Variants in CGAS observed in about 807,000 individuals in gnomAD.
The protein encoded by CGAS is 2'3'-cGAMP synthase.
In CGAS, 31 loss-of-function variants were observed where a neutral mutation model predicts 34.0. The ratio of observed to expected loss-of-function variants is 0.91; its 90% confidence interval spans 0.69 to 1.23. CGAS has a LOEUF of 1.23. CGAS is among the 50% of genes most tolerant of loss of function. CGAS has a pLI of 0.00. For synonymous variants in CGAS, 266 were observed against 260.0 expected (o/e 1.02, Z -0.22); for missense variants, 597 against 657.6 (o/e 0.91, Z 1.01).
In CGAS at chr6:73,451,699, C is replaced by T; in HGVS notation, c.483G>A (p.Gly161=). ...PILVRRDAAP[G]ASKLRAVLEK... ...CCAAAACCGCCCGGAGCTTCGAGGCCCCAGGCGCCGCATCCCTCCGTACGA... is the reference window on the plus strand; with the variant it reads ...CCAAAACCGCCCGGAGCTTCGAGGCTCCAGGCGCCGCATCCCTCCGTACGA... The change falls in exon 1 of 5, where the codon GGG becomes GGA. Residue 161 remains glycine, a synonymous_variant. Transcript: ENST00000370315. The T allele has an allele frequency of 6.2e-7, 1 of 1,613,792 alleles. No homozygotes were observed. Among genetic ancestry groups the T allele is most frequent in the Non-Finnish European group, 8.5e-7 (1 of 1,180,002 alleles).
At chr6:73,440,160 C>T (rs1359530532) in intron 3 of CGAS, 49 bp downstream of exon 3, 2 of 1,515,348 alleles carry the variant, frequency 1.3e-6, no homozygotes, top group Non-Finnish European at 1.8e-6. Context: ...GAACATATAA[C>T]ATTAACAACT....
chr6:73,438,281 A>G (rs1184595828), intron 3 of CGAS, among the ~76,000 whole-genome samples: 1 of 152,148 alleles, frequency 6.6e-6, no homozygotes, highest in African/African-American at 2.4e-5. Flanking sequence ...GTTTTGTCTA[A>G]TTATACATAA....
rs1194877459 is a variant in CGAS at position 73,452,035 on chromosome 6, T to C, written c.147A>G (p.Gly49=). 20 of 1,496,698 alleles carry C rather than the reference T, an allele frequency of 1.3e-5. No homozygotes were observed. The highest frequency in any genetic ancestry group is 1.4e-5 in the Non-Finnish European group (16 of 1,121,434). 92.7% of individuals were successfully genotyped at this position (1,496,698 alleles called of 1,614,324 possible). Residue 49 remains glycine (G), a synonymous_variant, in exon 1 of 5, where the codon GGA becomes GGG. Coordinates refer to ENST00000370315, the MANE Select transcript of CGAS (RefSeq NM_138441.3). ...CCGACTTCCTGGCGGGGCCGAACTT[T>C]CCCGCCTTAGGCAGGGCGGCCTCGG... The part of the protein sequence containing the change: ...AAPEAALPKA[G]KFGPARKSGS...
chr6:73,441,862 G>C (rs1770386812), intron 2 of CGAS, among the ~76,000 whole-genome samples: 1 of 152,050 alleles, frequency 6.6e-6, no homozygotes, highest in Non-Finnish European at 1.5e-5. Context: ...GAGGAAGTAA[G>C]TGTCCATCTA....
Position 73,451,886 on chromosome 6 carries a change from G to GC in CGAS, c.295dup (p.Ala99GlyfsTer80), listed in dbSNP as rs1480601783. 12 of 1,538,016 alleles carry GC rather than the reference G, an allele frequency of 7.8e-6. No individual in the cohort carries two copies. Among genetic ancestry groups the GC allele is most frequent in the Non-Finnish European group, 1.1e-5 (12 of 1,139,266 alleles). On this transcript the variant is annotated frameshift_variant, in exon 1 of 5. Transcript: ENST00000370315. LOFTEE classifies it high-confidence loss of function. ...AGGCTCCAGCCCCTCTGCCCCAGGG[G>GC]CGCTGGTGGCGTCAGACGGCTGCGT...
intron 2 of CGAS, among the ~76,000 whole-genome samples, chr6:73,441,771 A>G (rs1770384753): frequency 6.6e-6 from 1 of 152,196 alleles, no homozygotes; most frequent in South Asian, 2.1e-4. Flanking sequence ...GACGAAGTAG[A>G]GCACAAAGGA....
chr6:73,428,600 C>A, intron 4 of CGAS, 109 bp downstream of exon 4: 1 of 941,228 alleles, frequency 1.1e-6, no homozygotes, highest in South Asian at 1.7e-5. Flanking sequence ...CAATCCTGCC[C>A]TGCCCCCCAG....
intron 3 of CGAS, among the ~76,000 whole-genome samples, chr6:73,433,943 CA>C (rs1481490211): frequency 6.6e-6 from 1 of 152,128 alleles, no homozygotes; most frequent in African/African-American, 2.4e-5. Context: ...ATCAAAATTC[CA>C]AAAAGTATTT....
intron 2 of CGAS, among the ~76,000 whole-genome samples, chr6:73,444,849 T>A (rs980638365): frequency 1.3e-5 from 2 of 152,102 alleles, no homozygotes; most frequent in Non-Finnish European, 2.9e-5. Context: ...AGCACTTGCA[T>A]CTGGATTAAG....
At chr6:73,431,295 C>A (rs1770192790) in intron 3 of CGAS, among the ~76,000 whole-genome samples, 1 of 151,920 alleles carries the variant, frequency 6.6e-6, no homozygotes, top group South Asian at 2.1e-4. Flanking sequence ...CATGGTGAAA[C>A]CCCATTTCTA....
chr6:73,451,454 G>C, intron 1 of CGAS, 71 bp downstream of exon 1: 1 of 1,452,214 alleles, frequency 6.9e-7, no homozygotes, highest in Non-Finnish European at 9.2e-7. Context: ...GCGCGACCCG[G>C]GGAAGGTAGG....
chr6:73,445,037 G>T (rs1302792243), intron 2 of CGAS, among the ~76,000 whole-genome samples: 1 of 152,032 alleles, frequency 6.6e-6, no homozygotes, highest in Admixed American at 6.6e-5. Flanking sequence ...GATTCCTGTG[G>T]TACATCAACA....
intron 2 of CGAS, 63 bp from the exon 3 acceptor site, chr6:73,440,508 G>A (rs1770359684): frequency 7.6e-7 from 1 of 1,308,274 alleles, no homozygotes; most frequent in South Asian, 1.3e-5. Context: ...GAAATACAGG[G>A]GAAATAATGT....
chr6:73,451,807 G>T lies in CGAS; in HGVS notation c.375C>A (p.Gly125=). ...LSRAGSCRQR[G]ARCSTKPRPP... is the part of the protein sequence containing the mutation. ...GTCTTGGCTTCGTGGAGCAGCGCGC[G>T]CCCCTCTGGCGGCAAGAACCAGCCC... The change falls in exon 1 of 5, where the codon GGC becomes GGA. Residue 125 remains glycine (G), a synonymous_variant. Coordinates refer to ENST00000370315, the MANE Select transcript of CGAS (RefSeq NM_138441.3). The T allele has an allele frequency of 1.3e-6, 2 of 1,561,820 alleles. No homozygotes were observed. The highest frequency in any genetic ancestry group is 2.3e-5 in the South Asian group (2 of 85,816).
At chr6:73,434,180 T>C (rs1194096494) in intron 3 of CGAS, among the ~76,000 whole-genome samples, 2 of 152,240 alleles carry the variant, frequency 1.3e-5, no homozygotes, top group Admixed American at 1.3e-4. Flanking sequence ...GTTGGCCCTC[T>C]GTATCTGAGG....
chr6:73,433,779 G>A (rs915322620), intron 3 of CGAS, among the ~76,000 whole-genome samples: 3 of 152,034 alleles, frequency 2.0e-5, no homozygotes, highest in South Asian at 2.1e-4. Context: ...GAGCCACCAC[G>A]CCTGGCTAGA....
At position 73,451,848 on chromosome 6, in the gene CGAS, C is replaced by G. The variant is rs866098353; in HGVS notation, c.334G>C (p.Glu112Gln). Residue 112 changes from glutamate (E) to glutamine (Q), a missense_variant, in exon 1 of 5, where the codon GAG (glutamate) becomes CAG (glutamine). Glu to Gln is a conservative substitution (Grantham distance 29). Around this residue, in one of 3 missense-constraint regions of CGAS, gnomAD observed 321 missense variants for 314.3 expected, o/e 1.02. Transcript: ENST00000370315. ...GAACCAGCCCTGGAAAGAGCCGGCT[C>G]CCGAGCCGCAGGAGGCTCCAGCCCC... The part of the protein sequence containing the change: ...AEGLEPPAAR[E>Q]PALSRAGSCR... 6.4e-7 allele frequency: 1 copy of G among 1,550,430 alleles called. No individual in the cohort carries two copies. The highest frequency in any genetic ancestry group is 1.8e-4 in the Middle Eastern group (1 of 5,514).
At chr6:73,449,858 G>A (rs1481602584) in intron 1 of CGAS, among the ~76,000 whole-genome samples, 1 of 151,888 alleles carries the variant, frequency 6.6e-6, no homozygotes, top group Non-Finnish European at 1.5e-5. Context: ...AGCCGGGAGT[G>A]GGGGCAGGCA....
chr6:73,446,966 G>A (rs958758043), intron 1 of CGAS, among the ~76,000 whole-genome samples: 1 of 152,240 alleles, frequency 6.6e-6, no homozygotes. Context: ...TGAGGCAGGA[G>A]ACTTGCTTGA....
Sources: allele counts gnomAD v4.1 joint callset (sites outside exome capture counted in the v4.1 genomes callset), GRCh38; gene constraint gnomAD v4.1.1; regional missense constraint gnomAD v4.1.1; transcripts MANE v1.5; gene names NCBI Gene and HGNC (gene_info 2026-07-23, HGNC 2026-07-21).